The following MED12L variants were observed in gnomAD, a reference collection of about 807,000 sequenced individuals.
MED12L encodes mediator of RNA polymerase II transcription subunit 12-like protein.
Under a neutral mutation model 281.3 loss-of-function variants are expected in MED12L, and 60 were observed. The observed-to-expected ratio is 0.21, with a 90% CI of 0.17 to 0.26. The LOEUF is 0.26. MED12L is among the 10% of genes least tolerant of loss of function. The pLI is 1.00. For synonymous variants in MED12L, 974 were observed against 987.2 expected, an observed-to-expected ratio of 0.99 and a Z score of 0.25; for missense variants, 2,146 against 2,680.9, an observed-to-expected ratio of 0.80 and a Z score of 4.41.
intron 16 of MED12L, among the ~76,000 whole-genome samples, chr3:151,296,250 C>T (rs1363523627): frequency 3.9e-5 from 6 of 152,110 alleles, no homozygotes; most frequent in Non-Finnish European, 8.8e-5. Context: ...TGTTAAAGAC[C>T]TGTACCATAT....
At chr3:151,193,219 A>C (rs1724209801) in intron 15 of MED12L, among the ~76,000 whole-genome samples, 1 of 152,164 alleles carries the variant, frequency 6.6e-6, no homozygotes. Context: ...TTCTGCTTTT[A>C]TCTTTAGCTT....
At chr3:151,329,540 A>G (rs1465791669) in intron 16 of MED12L, 3 of 1,539,762 alleles carry the variant, frequency 1.9e-6, no homozygotes, top group Non-Finnish European at 2.6e-6. Flanking sequence ...AGTTCAGCCT[A>G]CAAATGAGCA....
At chr3:151,209,081 A>G (rs1236550738) in intron 16 of MED12L, among the ~76,000 whole-genome samples, 1 of 152,220 alleles carries the variant, frequency 6.6e-6, no homozygotes, top group Non-Finnish European at 1.5e-5. Context: ...TCATACAATG[A>G]ACACCTTCAA....
In MED12L at chr3:151,413,177, G is replaced by T; in HGVS notation, c.6179G>T (p.Gly2060Val). 6.2e-7 allele frequency: 1 copy of T among 1,614,086 alleles called. No homozygotes were observed. The highest frequency in any genetic ancestry group is 2.2e-5 in the East Asian group (1 of 44,880). ...HQALQQSPLV[G>V]GGIDAVLTSA... Reference sequence around the variant, plus strand: ...GCTCTACAGCAGAGCCCTCTGGTGGGCGGGGGAATTGATGCTGTGCTGACT... The same window carrying T: ...GCTCTACAGCAGAGCCCTCTGGTGGTCGGGGGAATTGATGCTGTGCTGACT... Residue 2060 changes from glycine to valine, a missense_variant, in exon 42 of 45, where the codon GGC (glycine) becomes GTC (valine). Physicochemically the swap from Gly to Val is moderately radical, Grantham distance 109. Coordinates refer to ENST00000687756, the MANE Select transcript of MED12L (RefSeq NM_001393769.1).
At chr3:151,101,289 T>G (rs1402434673) in intron 2 of MED12L, among the ~76,000 whole-genome samples, 1 of 152,202 alleles carries the variant, frequency 6.6e-6, no homozygotes, top group Non-Finnish European at 1.5e-5. Flanking sequence ...CCACTATTTA[T>G]TGTGTTTGTT....
At chr3:151,360,376 C>T in intron 20 of MED12L, 98 bp from the exon 21 acceptor site, 3 of 1,106,446 alleles carry the variant, frequency 2.7e-6, no homozygotes, top group Admixed American at 4.7e-5. Context: ...TATCCTTTTT[C>T]TTACCCAAGT....
chr3:151,262,634 G>A (rs1739120109), intron 16 of MED12L, among the ~76,000 whole-genome samples: 1 of 152,158 alleles, frequency 6.6e-6, no homozygotes, highest in Admixed American at 6.6e-5. Context: ...AAATACATTA[G>A]AAAATACAGA....
chr3:151,182,298 T>G (rs544066276), intron 11 of MED12L, among the ~76,000 whole-genome samples: 11,223 of 147,882 alleles, frequency 0.076, 930 homozygotes, highest in African/African-American at 0.21. Context: ...TAGAATGAGT[T>G]TTTTTTTTTG....
chr3:151,381,386 C>T (rs552330439), intron 32 of MED12L, among the ~76,000 whole-genome samples: 7 of 152,120 alleles, frequency 4.6e-5, no homozygotes, highest in East Asian at 1.9e-4. Context: ...ATAAAAAATT[C>T]GGGCTGATAA....
chr3:151,198,639 G>C, intron 16 of MED12L: 1 of 1,613,980 alleles, frequency 6.2e-7, no homozygotes, highest in Admixed American at 1.7e-5. Context: ...ACTTCTGTCT[G>C]GCTGAGGGTA....
intron 5 of MED12L, among the ~76,000 whole-genome samples, chr3:151,141,053 G>A (rs1266005748): frequency 6.6e-6 from 1 of 152,114 alleles, no homozygotes; most frequent in Non-Finnish European, 1.5e-5. Flanking sequence ...ATTTTTAGTA[G>A]AGATGGGGTT....
Position 151,116,399 on chromosome 3 carries a change from A to T in MED12L, c.161A>T (p.Asp54Val). 1 of 1,613,530 alleles carries T rather than the reference A, an allele frequency of 6.2e-7. No individual in the cohort carries two copies. The highest frequency in any genetic ancestry group is 1.1e-5 in the South Asian group (1 of 91,000). ...GFNNQPAFTGDEHGSARNIVI... is the reference protein window; with the variant it reads ...GFNNQPAFTGVEHGSARNIVI... ...AATAATCAGCCAGCCTTCACTGGAG[A>T]TGAACATGGCTCAGCCAGAAATATT... Residue 54 changes from aspartate (D) to valine (V), a missense_variant, in exon 3 of 45, where the codon GAT becomes GTT. Transcript: ENST00000687756.
chr3:151,156,402 G>GT, intron 6 of MED12L, 72 bp downstream of exon 6: 1 of 1,418,048 alleles, frequency 7.1e-7, no homozygotes, highest in South Asian at 1.5e-5. Flanking sequence ...ATAGTTTGGT[G>GT]TTCTGGGGTT....
intron 16 of MED12L, chr3:151,295,254 C>G: frequency 1.5e-6 from 2 of 1,368,698 alleles, no homozygotes; most frequent in Non-Finnish European, 2.0e-6. Context: ...GCTTGGCAAG[C>G]ATGCCCACAG....
intron 39 of MED12L, among the ~76,000 whole-genome samples, chr3:151,397,184 C>G (rs1459107066): frequency 2.0e-5 from 3 of 152,142 alleles, no homozygotes; most frequent in African/African-American, 7.2e-5. Flanking sequence ...AGTAAAAGCT[C>G]CACTTCATAA....
rs375606393 is a variant in MED12L, at chr3:151,313,302, T to C, written c.2251-36757T>C. On this transcript the variant is annotated intron_variant, in intron 16 of 44. Coordinates refer to ENST00000687756, the MANE Select transcript of MED12L (RefSeq NM_001393769.1). Reference sequence around the variant, plus strand: ...ATTGCAGGGGATCATGCACCCAAGTTGGCCATTTATCTACTGTAGTCTATA... The same window carrying C: ...ATTGCAGGGGATCATGCACCCAAGTCGGCCATTTATCTACTGTAGTCTATA... 2.0e-5 allele frequency among the ~76,000 whole-genome samples: 3 copies of C among 152,310 alleles called. No homozygotes were observed. The East Asian group carries it at 5.8e-4, about 29-fold the overall frequency.
chr3:151,293,969 AACCCTGCC>A (rs1240333671), intron 16 of MED12L: 3 of 327,246 alleles, frequency 9.2e-6, no homozygotes, highest in African/African-American at 7.7e-5. Flanking sequence ...TCCAGCCATT[AACCCTGCC>A]ATTCACCCAT....
chr3:151,274,062 C>T (rs1741452777), intron 16 of MED12L, among the ~76,000 whole-genome samples: 1 of 152,172 alleles, frequency 6.6e-6, no homozygotes, highest in Admixed American at 6.5e-5. Flanking sequence ...ATTTGACTGG[C>T]AGTGTGCTAA....
At chr3:151,258,851 C>CAAAAA (rs63714361) in intron 16 of MED12L, among the ~76,000 whole-genome samples, 1 of 89,934 alleles carries the variant, frequency 1.1e-5, no homozygotes, top group African/African-American at 4.7e-5. Flanking sequence ...GATTCTGTCT[C>CAAAAA]AAAAAAAAAA....
Sources: allele counts gnomAD v4.1 joint callset (sites outside exome capture counted in the v4.1 genomes callset), GRCh38; gene constraint gnomAD v4.1.1; transcripts MANE v1.5; gene names NCBI Gene and HGNC (gene_info 2026-07-23, HGNC 2026-07-21).